CA13: variants seen among roughly 807,000 people sequenced by gnomAD.
The protein encoded by CA13 is carbonic anhydrase 13, also known as CA-XIII.
In CA13, 21 loss-of-function variants were observed where a neutral mutation model predicts 31.5. That is an observed-to-expected ratio of 0.67 (90% confidence interval 0.47 to 0.96). The LOEUF is 0.96. Among genes scored for constraint, CA13 ranks in the 40% least tolerant of loss-of-function variants. CA13 has a pLI of 0.00. For missense variants in CA13, 315 were observed against 318.9 expected (o/e 0.99, Z 0.09); for synonymous variants, 117 against 111.4 (o/e 1.05, Z -0.32).
At chr8:85,251,562 G>T (rs1015004685) in intron 2 of CA13, among the ~76,000 whole-genome samples, 1 of 152,042 alleles carries the variant, frequency 6.6e-6, no homozygotes, top group African/African-American at 2.4e-5. Flanking sequence ...GATATTTCAT[G>T]ATTTGTTTCT....
intron 2 of CA13, among the ~76,000 whole-genome samples, chr8:85,255,102 CCTT>C (rs988271662): frequency 4.6e-5 from 7 of 151,392 alleles, no homozygotes; most frequent in South Asian, 2.1e-4. Context: ...CCTTCCTCCT[CCTT>C]CTTCTTCTCT....
chr8:85,254,772 G>GTTTTTTT (rs10658651), intron 2 of CA13, among the ~76,000 whole-genome samples: 1 of 122,650 alleles, frequency 8.2e-6, no homozygotes, highest in Admixed American at 8.4e-5. Flanking sequence ...AGTTAAACAA[G>GTTTTTTT]TTTTTTTTTT....
At chr8:85,275,646 T>C (rs1807591746) in intron 6 of CA13, among the ~76,000 whole-genome samples, 1 of 152,204 alleles carries the variant, frequency 6.6e-6, no homozygotes, top group South Asian at 2.1e-4. Flanking sequence ...TTGTATCCTC[T>C]AGCACTTGAG....
chr8:85,266,543 T>G, intron 3 of CA13, 65 bp from the exon 4 acceptor site: 1 of 1,226,280 alleles, frequency 8.2e-7, no homozygotes, highest in Non-Finnish European at 1.2e-6. Context: ...AATGTTTTAT[T>G]TGCATTTATG....
At chr8:85,269,729 A>G (rs1009158075) in intron 6 of CA13, among the ~76,000 whole-genome samples, 3 of 152,140 alleles carry the variant, frequency 2.0e-5, no homozygotes, top group Admixed American at 2.0e-4. Context: ...TAGACTCAGG[A>G]TATCCAGTTT....
intron 3 of CA13, among the ~76,000 whole-genome samples, chr8:85,261,726 A>AGT (rs1807383113): frequency 1.3e-5 from 2 of 152,212 alleles, no homozygotes; most frequent in Admixed American, 6.5e-5. Flanking sequence ...GCGCCCGGCC[A>AGT]GTGTATATAT....
chr8:85,252,618 T>C (rs1807210910), intron 2 of CA13, among the ~76,000 whole-genome samples: 1 of 152,214 alleles, frequency 6.6e-6, no homozygotes, highest in African/African-American at 2.4e-5. Flanking sequence ...GCAGAGATTC[T>C]GCCCAAGGTA....
At position 85,266,639 on chromosome 8, in the gene CA13, A is replaced by C; in HGVS notation, c.386A>C (p.Tyr129Ser). The C allele has an allele frequency of 6.2e-7, 1 of 1,613,952 alleles. No homozygotes were observed. Among genetic ancestry groups the C allele is most frequent in the South Asian group, 1.1e-5 (1 of 91,072 alleles). Residue 129 changes from tyrosine to serine, a missense_variant, in exon 4 of 7, where the codon TAC becomes TCC. Tyr to Ser is a moderately radical substitution (Grantham distance 144). Coordinates refer to ENST00000321764, the MANE Select transcript of CA13 (RefSeq NM_198584.3). ...LHVVHWNSDKYPSFVEAAHEP... is the reference protein window; with the variant it reads ...LHVVHWNSDKSPSFVEAAHEP... Reference sequence around the variant, plus strand: ...GTTGTTCACTGGAATTCAGACAAATACCCCAGCTTTGTTGAGGCAGCTCAT... The same window carrying C: ...GTTGTTCACTGGAATTCAGACAAATCCCCCAGCTTTGTTGAGGCAGCTCAT...
chr8:85,251,686 T>G (rs1305599253), intron 2 of CA13, among the ~76,000 whole-genome samples: 1 of 152,230 alleles, frequency 6.6e-6, no homozygotes. Context: ...CTTATTTTAA[T>G]TGCCAAAGTA....
chr8:85,276,918 C>G (rs561264853), intron 6 of CA13, among the ~76,000 whole-genome samples: 1 of 152,242 alleles, frequency 6.6e-6, no homozygotes, highest in Non-Finnish European at 1.5e-5. Context: ...CCAATCAGCA[C>G]CCTGTGTCTA....
chr8:85,265,538 C>G (rs1807443706), intron 3 of CA13, among the ~76,000 whole-genome samples: 1 of 151,952 alleles, frequency 6.6e-6, no homozygotes, highest in African/African-American at 2.4e-5. Flanking sequence ...TCCAGGCCCC[C>G]CACCTCCTTC....
At chr8:85,277,259 T>C (rs184233667) in intron 6 of CA13, among the ~76,000 whole-genome samples, 167 of 152,182 alleles carry the variant, frequency 1.1e-3, no homozygotes, top group Non-Finnish European at 1.7e-3. Context: ...CAACACTCAC[T>C]GCAAAGGTCT....
intron 2 of CA13, among the ~76,000 whole-genome samples, chr8:85,254,875 T>C (rs932977531): frequency 2.0e-5 from 3 of 150,166 alleles, no homozygotes; most frequent in Non-Finnish European, 4.4e-5. Flanking sequence ...AATAAAACAG[T>C]TTCCATTTTG....
chr8:85,264,707 T>C (rs996379346), intron 3 of CA13, among the ~76,000 whole-genome samples: 1 of 152,246 alleles, frequency 6.6e-6, no homozygotes, highest in African/African-American at 2.4e-5. Context: ...GAAGTCATTC[T>C]ATATCTTTCT....
At chr8:85,269,995 T>C (rs1263208767) in intron 6 of CA13, among the ~76,000 whole-genome samples, 1 of 152,186 alleles carries the variant, frequency 6.6e-6, no homozygotes, top group Non-Finnish European at 1.5e-5. Flanking sequence ...AGTGCTAGGA[T>C]TACAGGCATG....
intron 2 of CA13, among the ~76,000 whole-genome samples, chr8:85,258,262 G>T (rs1807327990): frequency 6.6e-6 from 1 of 151,782 alleles, no homozygotes. Flanking sequence ...AGATTAATTA[G>T]GATGAGACAA....
Position 85,268,544 on chromosome 8 carries a change from C to A in CA13, c.586C>A (p.Pro196Thr), listed in dbSNP as rs779439276. 1 of 1,614,000 alleles carries A rather than the reference C, an allele frequency of 6.2e-7. No individual in the cohort carries two copies. Among genetic ancestry groups the A allele is most frequent in the Non-Finnish European group, 8.5e-7 (1 of 1,179,890 alleles). The change falls in exon 6 of 7, where the codon CCT (proline) becomes ACT (threonine). Residue 196 changes from proline to threonine, a missense_variant. Coordinates refer to ENST00000321764, the MANE Select transcript of CA13 (RefSeq NM_198584.3). Reference protein sequence around the residue: ...LPPSWDYWTYPGSLTVPPLLE... With the variant: ...LPPSWDYWTYTGSLTVPPLLE... Reference sequence around the variant, plus strand: ...ACCATCCTGGGACTACTGGACATATCCTGGTTCTCTTACAGTTCCACCTCT... The same window carrying A: ...ACCATCCTGGGACTACTGGACATATACTGGTTCTCTTACAGTTCCACCTCT...
chr8:85,281,704 A>G lies in CA13; in HGVS notation c.*355A>G, dbSNP rs1416079293. 1 of 169,566 alleles carries G rather than the reference A, an allele frequency of 5.9e-6. No individual in the cohort carries two copies. The highest frequency in any genetic ancestry group is 6.1e-5 in the Admixed American group (1 of 16,320). The allele number at this position is 169,566 out of a possible 1,614,324, so 10.5% of individuals were successfully genotyped here. On this transcript the variant is annotated 3_prime_UTR_variant, in exon 7 of 7. Transcript: ENST00000321764. ...ATTTTTAAATTTTTTTTTTTTAAGA[A>G]ATAGGGTCTTGCTATGTTGCCCAGG... is the stretch of plus-strand genomic sequence containing the variant.
chr8:85,265,786 G>T (rs967736728), intron 3 of CA13, among the ~76,000 whole-genome samples: 3 of 152,154 alleles, frequency 2.0e-5, no homozygotes, highest in Admixed American at 1.3e-4. Flanking sequence ...CCCCATAAAT[G>T]TATACAGTTA....
Sources: gnomAD v4.1 joint callset for allele counts (sites outside exome capture counted in the v4.1 genomes callset) on GRCh38, gnomAD v4.1.1 for gene constraint, MANE v1.5 for transcripts, NCBI Gene and HGNC (gene_info 2026-07-23, HGNC 2026-07-21) for gene names.